The following PRDM12 variants were observed in gnomAD, a reference collection of about 807,000 sequenced individuals.
The protein encoded by PRDM12 is PR/SET domain 12.
A neutral mutation model predicts 29.6 loss-of-function variants in PRDM12; 17 were observed. That is an observed-to-expected ratio of 0.57 (90% CI 0.39 to 0.86). The LOEUF (loss-of-function observed/expected upper bound fraction) is 0.86, where lower values mean the gene tolerates loss of function less well. PRDM12 is among the 40% of genes least tolerant of loss of function. The probability of loss-of-function intolerance (pLI) is 0.00; values close to 1 mark genes in which losing one functional copy is unlikely to be tolerated. For synonymous variants in PRDM12, 231 were observed against 225.8 expected, an observed-to-expected ratio of 1.02 and a Z score of -0.21; for missense variants, 422 against 510.8, an observed-to-expected ratio of 0.83 and a Z score of 1.68.
intron 1 of PRDM12, among the ~76,000 whole-genome samples, chr9:130,665,675 T>C (rs1830726409): frequency 6.6e-6 from 1 of 152,186 alleles, no homozygotes; most frequent in African/African-American, 2.4e-5. Flanking sequence ...AATTTAGAAT[T>C]AGCAATTTCT....
At chr9:130,671,784 G>A (rs1276823883) in intron 3 of PRDM12, among the ~76,000 whole-genome samples, 2 of 152,174 alleles carry the variant, frequency 1.3e-5, no homozygotes, top group African/African-American at 4.8e-5. Context: ...GTGTGGGTGA[G>A]TTAGCCAAGG....
rs113310551 is a variant in PRDM12, at chr9:130,664,753, C to A, written c.100C>A (p.His34Asn). 1 of 1,610,778 alleles carries A rather than the reference C, an allele frequency of 6.2e-7. No homozygotes were observed. The highest frequency in any genetic ancestry group is 1.3e-5 in the African/African-American group (1 of 75,008). The stretch of plus-strand genomic sequence containing the variant: ...CGAGGTTATCACCTCCGACATCCTG[C>A]ACAGCTTCCTGTACGGCCGCTGGCG... ...LAEVITSDIL[H>N]SFLYGRWRNV... Residue 34 changes from histidine to asparagine, a missense_variant, in exon 1 of 5, where the codon CAC (histidine) becomes AAC (asparagine). His to Asn is a moderately conservative substitution (Grantham distance 68, BLOSUM62 1). Coordinates refer to ENST00000253008, the MANE Select transcript of PRDM12 (RefSeq NM_021619.3). This position sits in a 1 kb window ranked among gnomAD's most constrained non-coding sequence, Gnocchi z 6.4.
Position 130,664,986 on chromosome 9 carries a change from G to GGCTGGGATAC in PRDM12, c.223+110_223+111insGCTGGGATAC. The stretch of plus-strand genomic sequence containing the variant: ...GATACCCGGCCTCGCTGCTACTCGC[G>GGCTGGGATAC]CCAACCTGGGCTCTCCCGGCGCTCG... On this transcript the variant is annotated intron_variant, in intron 1 of 4. Coordinates refer to ENST00000253008, the MANE Select transcript of PRDM12 (RefSeq NM_021619.3). The surrounding 1 kb of genome is among the most constrained non-coding windows in gnomAD (Gnocchi z 6.4). 8.9e-7 allele frequency: 1 copy of GGCTGGGATAC among 1,121,714 alleles called. No individual in the cohort carries two copies. The highest frequency in any genetic ancestry group is 1.6e-5 in the South Asian group (1 of 62,640). 69.5% of individuals were successfully genotyped at this position (1,121,714 alleles called of 1,614,324 possible).
chr9:130,680,659 A>ATATATTTTTTTT, intron 4 of PRDM12, among the ~76,000 whole-genome samples: 1 of 72,168 alleles, frequency 1.4e-5, no homozygotes, highest in African/African-American at 7.8e-5. Context: ...ATATATATAT[A>ATATATTTTTTTT]TTTTTTTTTT....
chr9:130,673,494 C>T (rs1318929227), intron 3 of PRDM12, among the ~76,000 whole-genome samples: 1 of 152,112 alleles, frequency 6.6e-6, no homozygotes, highest in African/African-American at 2.4e-5. Context: ...TTCTCAATTC[C>T]AGCAGCCTCT....
chr9:130,666,040 G>A (rs1830730617), intron 1 of PRDM12, among the ~76,000 whole-genome samples: 1 of 152,192 alleles, frequency 6.6e-6, no homozygotes, highest in Non-Finnish European at 1.5e-5. Context: ...CACACAGCGA[G>A]CGCAGAGCCT....
Position 130,681,363 on chromosome 9 carries a change from G to C in PRDM12, c.798G>C (p.Thr266=). ...TGCGCTCGCACATGCGCATCCACACGCTGGACAAGCCCTTCGTGTGCCGCT... is the reference window on the plus strand; with the variant it reads ...TGCGCTCGCACATGCGCATCCACACCCTGGACAAGCCCTTCGTGTGCCGCT... ...SNLRSHMRIH[T]LDKPFVCRFC... is the part of the protein sequence containing the mutation. The change falls in exon 5 of 5, where the codon ACG becomes ACC. Residue 266 remains threonine, a synonymous_variant. Coordinates refer to ENST00000253008, the MANE Select transcript of PRDM12 (RefSeq NM_021619.3). This position sits in a 1 kb window ranked among gnomAD's most constrained non-coding sequence, Gnocchi z 8.1. 4 of 1,587,672 alleles carry C rather than the reference G, an allele frequency of 2.5e-6. No homozygotes were observed. The highest frequency in any genetic ancestry group is 1.7e-5 in the Admixed American group (1 of 58,912).
chr9:130,677,210 C>T (rs1476113271), intron 3 of PRDM12, among the ~76,000 whole-genome samples: 1 of 152,234 alleles, frequency 6.6e-6, no homozygotes, highest in African/African-American at 2.4e-5. Context: ...CAGGCATGAG[C>T]CACCACGCCC....
At chr9:130,667,265 G>T (rs527411410) in intron 2 of PRDM12, among the ~76,000 whole-genome samples, 1 of 152,350 alleles carries the variant, frequency 6.6e-6, no homozygotes, top group South Asian at 2.1e-4. Flanking sequence ...TGACATTCAC[G>T]ATGACTGTGG....
intron 4 of PRDM12, among the ~76,000 whole-genome samples, chr9:130,679,386 G>A (rs576315458): frequency 5.1e-4 from 69 of 134,026 alleles, no homozygotes; most frequent in African/African-American, 2.0e-3. Context: ...AGGCTGGAAC[G>A]CAGTGGCGTG....
Position 130,668,718 on chromosome 9 carries a change from C to A in PRDM12, c.570+405C>A, listed in dbSNP as rs958291888. On this transcript the variant is annotated intron_variant, in intron 3 of 4. Coordinates refer to ENST00000253008, the MANE Select transcript of PRDM12 (RefSeq NM_021619.3). This position sits in a 1 kb window ranked among gnomAD's most constrained non-coding sequence, Gnocchi z 4.0. ...GGGAGAGAGGGCGTGTGTCTGCAGCCGTTTAGCTGTCTGATGGCCCTCATT... is the reference window on the plus strand; with the variant it reads ...GGGAGAGAGGGCGTGTGTCTGCAGCAGTTTAGCTGTCTGATGGCCCTCATT... Among the ~76,000 whole-genome samples, 2 of 152,056 alleles carry A rather than the reference C, an allele frequency of 1.3e-5. No homozygotes were observed. The highest frequency in any genetic ancestry group is 1.9e-4 in the East Asian group (1 of 5,180).
Position 130,668,181 on chromosome 9 carries a change from G to T in PRDM12, c.438G>T (p.Val146=), listed in dbSNP as rs768822185. 6.2e-7 allele frequency: 1 copy of T among 1,614,196 alleles called. No individual in the cohort carries two copies. ...MWEVFNEDGT[V]RYFIDASQED... is the part of the protein sequence containing the mutation. ...AGGTGTTCAATGAGGATGGCACGGT[G>T]CGCTACTTCATCGATGCCAGCCAGG... The change falls in exon 3 of 5, where the codon GTG becomes GTT. Residue 146 remains valine, a synonymous_variant. Transcript: ENST00000253008. This position sits in a 1 kb window ranked among gnomAD's most constrained non-coding sequence, Gnocchi z 4.0.
rs531283756 is a variant in PRDM12, at chr9:130,677,399, G to A, written c.571-1130G>A. ...CCTGTCTCTGACCACAGAAGCCAAC[G>A]CGGGGTCCTGGCCTGGTTTCAGACA... On this transcript the variant is annotated intron_variant, in intron 3 of 4. Coordinates refer to ENST00000253008, the MANE Select transcript of PRDM12 (RefSeq NM_021619.3). 1.2e-4 allele frequency among the ~76,000 whole-genome samples: 18 copies of A among 152,322 alleles called. No homozygotes were observed. In the South Asian group the frequency reaches 2.9e-3, roughly 25 times the overall value.
Position 130,666,622 on chromosome 9 carries a change from T to C in PRDM12, c.238T>C (p.Ser80Pro), listed in dbSNP as rs1203413655. The change falls in exon 2 of 5, where the codon TCC (serine) becomes CCC (proline). Residue 80 changes from serine (S) to proline (P), a missense_variant. Physicochemically the swap from Ser to Pro is moderately conservative, Grantham distance 74 (BLOSUM62 -1). Coordinates refer to ENST00000253008, the MANE Select transcript of PRDM12 (RefSeq NM_021619.3). ...CGCCGCCGCAGAAGTGCAGAAGCTG[T>C]CCAGCCTGGTGCTGCCTGCGGAGGT... ...QSFSGEVQKLSSLVLPAEVII... is the reference protein window; with the variant it reads ...QSFSGEVQKLPSLVLPAEVII... 1 of 1,610,680 alleles carries C rather than the reference T, an allele frequency of 6.2e-7. No homozygotes were observed. The highest frequency in any genetic ancestry group is 8.5e-7 in the Non-Finnish European group (1 of 1,178,834).
chr9:130,680,700 T>A (rs1413141290), intron 4 of PRDM12, among the ~76,000 whole-genome samples: 1 of 144,508 alleles, frequency 6.9e-6, no homozygotes, highest in Non-Finnish European at 1.5e-5. Context: ...GTTAGTATTA[T>A]CTCCATTTCA....
intron 2 of PRDM12, among the ~76,000 whole-genome samples, chr9:130,667,350 G>T (rs1159141165): frequency 6.6e-6 from 1 of 152,202 alleles, no homozygotes; most frequent in Non-Finnish European, 1.5e-5. Flanking sequence ...ATGCCTTACT[G>T]TTCCCTTTTC....
At position 130,668,635 on chromosome 9, in the gene PRDM12, G is replaced by T. The variant is rs538977290; in HGVS notation, c.570+322G>T. On this transcript the variant is annotated intron_variant, in intron 3 of 4. Coordinates refer to ENST00000253008, the MANE Select transcript of PRDM12 (RefSeq NM_021619.3). The surrounding 1 kb of genome is among the most constrained non-coding windows in gnomAD (Gnocchi z 4.0). ...GCTGACAGTTTCCTGAGGTTCAGGG[G>T]TCACAGAGACACAGAGAAGCAAGAT... Among the ~76,000 whole-genome samples, 1 of 152,338 alleles carries T rather than the reference G, an allele frequency of 6.6e-6. No individual in the cohort carries two copies. Among genetic ancestry groups the T allele is most frequent in the Admixed American group, 6.5e-5 (1 of 15,298 alleles).
rs1298938266 is a variant in PRDM12 at position 130,664,761 on chromosome 9, C to T, written c.108C>T (p.Phe36=). The change falls in exon 1 of 5, where the codon TTC becomes TTT. Residue 36 remains phenylalanine (F), a synonymous_variant. Transcript: ENST00000253008. This position sits in a 1 kb window ranked among gnomAD's most constrained non-coding sequence, Gnocchi z 6.4. The part of the protein sequence containing the change: ...EVITSDILHS[F]LYGRWRNVLG... ...TCACCTCCGACATCCTGCACAGCTT[C>T]CTGTACGGCCGCTGGCGCAACGTGC... The T allele has an allele frequency of 1.2e-6, 2 of 1,609,748 alleles. No individual in the cohort carries two copies. The highest frequency in any genetic ancestry group is 1.9e-4 in the Middle Eastern group (1 of 5,340).
chr9:130,668,063 T>G lies in PRDM12; in HGVS notation c.415-95T>G. 2 of 1,436,906 alleles carry G rather than the reference T, an allele frequency of 1.4e-6. No homozygotes were observed. The highest frequency in any genetic ancestry group is 1.9e-6 in the Non-Finnish European group (2 of 1,040,620). The allele number at this position is 1,436,906 out of a possible 1,614,324, so 89.0% of individuals were successfully genotyped here. ...AAGCTTTATCCACTTCCTGGGGCTG[T>G]TGTGAGGATGGAGAGTGTGTGTGTG... On this transcript the variant is annotated intron_variant, in intron 2 of 4. Transcript: ENST00000253008. The surrounding 1 kb of genome is among the most constrained non-coding windows in gnomAD (Gnocchi z 4.0).
Sources: allele counts gnomAD v4.1 joint callset (sites outside exome capture counted in the v4.1 genomes callset), GRCh38; gene constraint gnomAD v4.1.1; non-coding constraint Gnocchi (gnomAD v3.1); transcripts MANE v1.5; gene names NCBI Gene and HGNC (gene_info 2026-07-23, HGNC 2026-07-21).